The following ZNF208 variants were observed in gnomAD, a reference collection of about 807,000 sequenced individuals.
The protein encoded by ZNF208 is zinc finger protein 208.
A neutral mutation model predicts 12.1 loss-of-function variants in ZNF208; 10 were observed. The observed-to-expected ratio is 0.83, with a 90% CI of 0.51 to 1.40. The LOEUF (loss-of-function observed/expected upper bound fraction) is 1.40. Ranked by LOEUF, ZNF208 falls within the 40% of genes most tolerant of loss-of-function variation. ZNF208 has a pLI of 0.00. For synonymous variants in ZNF208, 497 were observed against 488.4 expected (o/e 1.02, Z -0.23); for missense variants, 1,652 against 1,485.0 (o/e 1.11, Z -1.85).
rs889097700 is a variant in ZNF208, at chr19:21,971,276, T to A, written c.3758A>T (p.Tyr1253Phe). The change falls in exon 4 of 4, where the codon TAC (tyrosine) becomes TTC (phenylalanine). Residue 1253 changes from tyrosine to phenylalanine, a missense_variant. By Grantham distance (22) the Tyr-to-Phe change is conservative. This residue lies in a region of ZNF208 where 1,239 missense variants were observed against 1,086.2 expected (regional missense o/e 1.14). Transcript: ENST00000397126. ...HKVIHTGEKPYKCEECGKAFS... is the reference protein window; with the variant it reads ...HKVIHTGEKPFKCEECGKAFS... ...GGCTTTGCCACATTCTTCACATTTG[T>A]AGGGTTTCTCTCCAGTATGAATTAC... The A allele has an allele frequency of 1.2e-6, 2 of 1,612,470 alleles. No individual in the cohort carries two copies. The highest frequency in any genetic ancestry group is 3.3e-5 in the Admixed American group (2 of 59,914).
Position 21,971,159 on chromosome 19 carries a change from C to T in ZNF208, c.*32G>A, listed in dbSNP as rs1326319635. On this transcript the variant is annotated 3_prime_UTR_variant, in exon 4 of 4. Transcript: ENST00000397126. ...CTTATGATAACTAAGGGTTGAGGGC[C>T]ACTTATAGGCTTTGCCACATTCTTC... 1 of 1,611,446 alleles carries T rather than the reference C, an allele frequency of 6.2e-7. No individual in the cohort carries two copies. Among genetic ancestry groups the T allele is most frequent in the South Asian group, 1.1e-5 (1 of 90,904 alleles).
At chr19:21,978,437 A>G (rs1408892922) in intron 3 of ZNF208, among the ~76,000 whole-genome samples, 1 of 152,230 alleles carries the variant, frequency 6.6e-6, no homozygotes. Context: ...AACAGGGTCT[A>G]GAGTAGACTT....
intron 4 of ZNF208, among the ~76,000 whole-genome samples, chr19:21,954,222 T>C (rs1035357878): frequency 1.3e-5 from 2 of 152,230 alleles, no homozygotes; most frequent in African/African-American, 4.8e-5. Flanking sequence ...TTTCTGTTCT[T>C]TTCCATTTGC....
chr19:21,974,188 C>G lies in ZNF208; in HGVS notation c.846G>C (p.Glu282Asp), dbSNP rs1484993861. The change falls in exon 4 of 4, where the codon GAG becomes GAC. Residue 282 changes from glutamate (E) to aspartate (D), a missense_variant. Glu to Asp is a conservative substitution (Grantham distance 45). Coordinates refer to ENST00000397126, the MANE Select transcript of ZNF208 (RefSeq NM_007153.3). Reference sequence around the variant, plus strand: ...CACATTCTTCACATTTGTTGGGTTTCTCTCCAGTATGAATTATCTTATGTT... The same window carrying G: ...CACATTCTTCACATTTGTTGGGTTTGTCTCCAGTATGAATTATCTTATGTT... ...LTKHKIIHTG[E>D]KPNKCEECGK... The G allele has an allele frequency of 1.9e-6, 3 of 1,603,338 alleles. No individual in the cohort carries two copies. The highest frequency in any genetic ancestry group is 1.3e-5 in the African/African-American group (1 of 74,762).
chr19:21,991,273 G>A (rs181773487), intron 1 of ZNF208, among the ~76,000 whole-genome samples: 1 of 152,126 alleles, frequency 6.6e-6, no homozygotes, highest in Non-Finnish European at 1.5e-5. Flanking sequence ...ATTTTGAGAT[G>A]CATCCCATCA....
downstream of ZNF208, among the ~76,000 whole-genome samples, chr19:21,961,653 G>A (rs1970072858): frequency 6.6e-6 from 1 of 152,030 alleles, no homozygotes; most frequent in Non-Finnish European, 1.5e-5. Flanking sequence ...CACTCCCAGA[G>A]CGGCTGTTTA....
rs750755336 is a variant in ZNF208 at position 21,973,009 on chromosome 19, A to G, written c.2025T>C (p.Ser675=). The G allele has an allele frequency of 3.7e-6, 6 of 1,612,148 alleles. No individual in the cohort carries two copies. In the South Asian group the frequency reaches 6.6e-5, roughly 18 times the overall value. The change falls in exon 4 of 4, where the codon AGT becomes AGC. Residue 675 remains serine, a synonymous_variant. Transcript: ENST00000397126. ...TATGTTTAGTAAGGATTGAGAACTT[A>G]CTAAAGGCTTTGCCACATTCTTTAC... ...YKCKECGKAF[S]KFSILTKHKV...
intron 1 of ZNF208, among the ~76,000 whole-genome samples, chr19:22,000,907 A>G (rs1970934013): frequency 6.6e-6 from 1 of 152,216 alleles, no homozygotes; most frequent in Admixed American, 6.5e-5. Flanking sequence ...TGCTATGCAT[A>G]TAAACAAACA....
At chr19:21,998,921 A>G (rs1331020034) in intron 1 of ZNF208, 1 of 152,172 alleles carries the variant, frequency 6.6e-6, no homozygotes, top group Non-Finnish European at 1.5e-5. Context: ...CTGGAGAGCA[A>G]TTACGGTTTT....
At chr19:21,974,861 C>T (rs1004844985) in intron 3 of ZNF208, 54 bp from the exon 4 acceptor site, 2 of 1,456,532 alleles carry the variant, frequency 1.4e-6, no homozygotes, top group Non-Finnish European at 1.8e-6. Flanking sequence ...CAGATAAATA[C>T]AGTTTCTAAA....
At chr19:22,005,896 A>T (rs1213861571) in intron 1 of ZNF208, among the ~76,000 whole-genome samples, 1 of 152,182 alleles carries the variant, frequency 6.6e-6, no homozygotes, top group Non-Finnish European at 1.5e-5. Flanking sequence ...AGGAACACTT[A>T]TGAAAAGAAA....
chr19:21,974,854 A>C, intron 3 of ZNF208, 47 bp from the exon 4 acceptor site: 1 of 1,467,842 alleles, frequency 6.8e-7, no homozygotes, highest in East Asian at 2.4e-5. Context: ...TTAGACTCAG[A>C]TAAATACAGT....
Position 21,971,132 on chromosome 19 carries a change from T to A in ZNF208, c.*59A>T. The A allele has an allele frequency of 1.9e-6, 3 of 1,612,342 alleles. No individual in the cohort carries two copies. The highest frequency in any genetic ancestry group is 2.2e-5 in the East Asian group (1 of 44,758). On this transcript the variant is annotated 3_prime_UTR_variant, in exon 4 of 4. Coordinates refer to ENST00000397126, the MANE Select transcript of ZNF208 (RefSeq NM_007153.3). ...GTAGGGTTTCTCTCCAGTATGAATT[T>A]TCTTATGATAACTAAGGGTTGAGGG...
chr19:21,975,393 T>C (rs891269932), intron 3 of ZNF208, among the ~76,000 whole-genome samples: 3 of 152,104 alleles, frequency 2.0e-5, no homozygotes, highest in Non-Finnish European at 4.4e-5. Flanking sequence ...TACCAAGTGA[T>C]TACTTTTCAG....
rs562698466 is a variant in ZNF208 at position 21,981,979 on chromosome 19, A to G, written c.226+5237T>C. On this transcript the variant is annotated intron_variant, in intron 3 of 3. Coordinates refer to ENST00000397126, the MANE Select transcript of ZNF208 (RefSeq NM_007153.3). ...CAAAGAGAATAAAATACCTAGGAAT[A>G]CAACTTACAAGGGATGGGAAGGACC... Among the ~76,000 whole-genome samples, 5 of 152,278 alleles carry G rather than the reference A, an allele frequency of 3.3e-5. No homozygotes were observed. The East Asian group carries it at 9.6e-4, about 29-fold the overall frequency.
At position 22,010,805 on chromosome 19, in the gene ZNF208, C is replaced by A. The variant is rs374497614; in HGVS notation, c.-11G>T. 29 of 1,614,126 alleles carry A rather than the reference C, an allele frequency of 1.8e-5. No individual in the cohort carries two copies. Among genetic ancestry groups the A allele is most frequent in the Non-Finnish European group, 2.5e-5 (29 of 1,179,994 alleles). ...CGGCACACTCACCATTTCTAGGCTT[C>A]CAGGGGGTCCTGGCGACTTAGTTGT... On this transcript the variant is annotated 5_prime_UTR_variant, in exon 1 of 4. Transcript: ENST00000397126.
chr19:21,965,517 A>G (rs1970147934), downstream of ZNF208, among the ~76,000 whole-genome samples: 1 of 152,076 alleles, frequency 6.6e-6, no homozygotes, highest in South Asian at 2.1e-4. Flanking sequence ...ACAGACTTTC[A>G]TATGGAAATT....
At chr19:22,010,288 C>T (rs1971121977) in intron 1 of ZNF208, among the ~76,000 whole-genome samples, 2 of 152,208 alleles carry the variant, frequency 1.3e-5, no homozygotes, top group Admixed American at 1.3e-4. Flanking sequence ...AAACTCTTTC[C>T]GTCAAACCCC....
At chr19:21,962,385 A>G (rs1187309328), downstream of ZNF208, among the ~76,000 whole-genome samples, 5 of 152,160 alleles carry the variant, frequency 3.3e-5, no homozygotes, top group Non-Finnish European at 7.4e-5. Context: ...TAGGAGCTAT[A>G]CTTAATTCAT....
Sources: gnomAD v4.1 joint callset for allele counts (sites outside exome capture counted in the v4.1 genomes callset) on GRCh38, gnomAD v4.1.1 for gene constraint, gnomAD v4.1.1 regional missense constraint, MANE v1.5 for transcripts, NCBI Gene and HGNC (gene_info 2026-07-23, HGNC 2026-07-21) for gene names.